KRABD3: variants seen among roughly 807,000 people sequenced by gnomAD.
KRABD3 encodes KRAB domain containing 3.
the KRABD3 span, chr7:149,729,359 G>T: frequency 6.7e-7 from 1 of 1,502,820 alleles, no homozygotes; most frequent in East Asian, 2.5e-5. Flanking sequence ...GTGTGGAGGT[G>T]GCTCCCAGAG....
the KRABD3 span, chr7:149,722,856 G>A: frequency 1.2e-6 from 2 of 1,613,538 alleles, no homozygotes; most frequent in East Asian, 2.2e-5. Flanking sequence ...CTGGGCCCCG[G>A]CACCCCGAGA....
chr7:149,723,714 A>C, the KRABD3 span: 1 of 1,555,642 alleles, frequency 6.4e-7, no homozygotes, highest in East Asian at 2.3e-5. Context: ...CCAGGTGAAA[A>C]CATGTTCCTT....
At chr7:149,723,714 A>G in the KRABD3 span, 3 of 1,555,642 alleles carry the variant, frequency 1.9e-6, no homozygotes, top group Non-Finnish European at 2.6e-6. Flanking sequence ...CCAGGTGAAA[A>G]CATGTTCCTT....
the KRABD3 span, chr7:149,715,475 C>T: frequency 0.057 from 27,135 of 472,588 alleles, 871 homozygotes; most frequent in Middle Eastern, 0.1. Context: ...GCAGGTAAGG[C>T]GTTTAGATCT....
chr7:149,719,653 C>CGA, the KRABD3 span: 1 of 1,606,438 alleles, frequency 6.2e-7, no homozygotes, highest in Admixed American at 1.7e-5. The surrounding 1 kb of genome is among the most constrained non-coding windows in gnomAD (Gnocchi z 5.6). Flanking sequence ...GGGAGAACTA[C>CGA]GAGACGCTGG....
the KRABD3 span, chr7:149,733,589 G>A: frequency 2.1e-4 from 342 of 1,597,620 alleles, 1 homozygote; most frequent in Middle Eastern, 1.5e-3. Flanking sequence ...GAGGCAGAAG[G>A]GACCCACGAG....
the KRABD3 span, among the ~76,000 whole-genome samples, chr7:149,732,026 T>C: frequency 6.6e-6 from 1 of 152,158 alleles, no homozygotes; most frequent in African/African-American, 2.4e-5. This position sits in a 1 kb window ranked among gnomAD's most constrained non-coding sequence, Gnocchi z 4.0. Context: ...GAGGGGACTT[T>C]AGAGAATAGG....
the KRABD3 span, among the ~76,000 whole-genome samples, chr7:149,716,606 C>T: frequency 6.6e-6 from 1 of 152,232 alleles, no homozygotes; most frequent in African/African-American, 2.4e-5. Flanking sequence ...TTCTCATTTT[C>T]TAAGAATTTT....
chr7:149,721,814 A>G, the KRABD3 span: 7 of 615,952 alleles, frequency 1.1e-5, no homozygotes, highest in Non-Finnish European at 2.1e-5. Context: ...GGCAGTTTCT[A>G]ACATGCAGGC....
chr7:149,729,210 G>A, the KRABD3 span: 1 of 1,571,894 alleles, frequency 6.4e-7, no homozygotes, highest in Non-Finnish European at 8.6e-7. Flanking sequence ...AGGCCTGCGA[G>A]TCAGCCCGTC....
At chr7:149,720,169 C>A in the KRABD3 span, 3 of 1,548,376 alleles carry the variant, frequency 1.9e-6, no homozygotes, top group Admixed American at 5.9e-5. Context: ...TCCCACTCAT[C>A]GGTCCTCAGC....
the KRABD3 span, chr7:149,723,945 C>G: frequency 6.4e-7 from 1 of 1,574,784 alleles, no homozygotes; most frequent in East Asian, 2.2e-5. Flanking sequence ...TTACCCTGCC[C>G]CAGGCAGGGC....
At chr7:149,726,533 G>A in the KRABD3 span, among the ~76,000 whole-genome samples, 3 of 151,860 alleles carry the variant, frequency 2.0e-5, no homozygotes, top group African/African-American at 7.3e-5. Context: ...CACCTCCTGG[G>A]TTCAAGCGAT....
chr7:149,730,152 G>A, the KRABD3 span: 3 of 1,521,350 alleles, frequency 2.0e-6, no homozygotes, highest in Non-Finnish European at 1.8e-6. Flanking sequence ...CCCAGGGTCT[G>A]CCCCCAAGCC....
the KRABD3 span, chr7:149,724,673 C>G: frequency 6.5e-7 from 1 of 1,544,534 alleles, no homozygotes; most frequent in Non-Finnish European, 8.7e-7. Context: ...CTCCTGACCC[C>G]TCCTCCCCAT....
At chr7:149,726,727 C>CACT in the KRABD3 span, among the ~76,000 whole-genome samples, 2 of 151,908 alleles carry the variant, frequency 1.3e-5, no homozygotes, top group Non-Finnish European at 2.9e-5. Context: ...GATGAGCCAC[C>CACT]GCGCCCAGCC....
At chr7:149,719,368 C>G in the KRABD3 span, 5 of 588,838 alleles carry the variant, frequency 8.5e-6, no homozygotes, top group Non-Finnish European at 1.4e-5. This position sits in a 1 kb window ranked among gnomAD's most constrained non-coding sequence, Gnocchi z 5.6. Flanking sequence ...CAGCGTGTCT[C>G]TGCAGAGACA....
At chr7:149,726,229 G>A in the KRABD3 span, among the ~76,000 whole-genome samples, 31,241 of 152,130 alleles carry the variant, frequency 0.21, 4,508 homozygotes, top group African/African-American at 0.41. Context: ...GGTTGTGGGA[G>A]CCTAGGGTGG....
the KRABD3 span, chr7:149,723,864 A>T: frequency 6.2e-7 from 1 of 1,613,772 alleles, no homozygotes. Flanking sequence ...AGGAGAATCC[A>T]GGAGCCTGGA....
Sources: allele counts gnomAD v4.1 joint callset (sites outside exome capture counted in the v4.1 genomes callset), GRCh38; gene constraint gnomAD v4.1.1; non-coding constraint Gnocchi (gnomAD v3.1); transcripts MANE v1.5; gene names NCBI Gene and HGNC (gene_info 2026-07-23, HGNC 2026-07-21).